Variants in PPIL2 observed in about 807,000 individuals in gnomAD.
PPIL2 encodes peptidylprolyl isomerase like 2.
Under a neutral mutation model 75.2 loss-of-function variants are expected in PPIL2, and 50 were observed. That is an observed-to-expected ratio of 0.66 (90% confidence interval 0.53 to 0.84). The LOEUF is 0.84. Among genes scored for constraint, PPIL2 ranks in the 40% least tolerant of loss-of-function variants. The probability of loss-of-function intolerance (pLI) is 0.00; values close to 1 mark genes in which losing one functional copy is unlikely to be tolerated. For synonymous variants in PPIL2, 245 were observed against 258.8 expected, an observed-to-expected ratio of 0.95 and a Z score of 0.51; for missense variants, 590 against 685.0, an observed-to-expected ratio of 0.86 and a Z score of 1.55.
chr22:21,680,068 G>A (rs1401165583), intron 6 of PPIL2, among the ~76,000 whole-genome samples: 1 of 139,208 alleles, frequency 7.2e-6, no homozygotes, highest in Non-Finnish European at 1.6e-5. Flanking sequence ...ACTGCAGCCT[G>A]GGCAACGGCA....
At chr22:21,671,271 C>T (rs1475645731) in intron 4 of PPIL2, among the ~76,000 whole-genome samples, 2 of 152,206 alleles carry the variant, frequency 1.3e-5, no homozygotes, top group Admixed American at 6.5e-5. Context: ...GGTAGACCAC[C>T]CCCTACCCCT....
chr22:21,688,627 G>C lies in PPIL2; in HGVS notation c.1022-105G>C, dbSNP rs935348863. On this transcript the variant is annotated intron_variant, in intron 14 of 19. Coordinates refer to ENST00000398831, the MANE Select transcript of PPIL2 (RefSeq NM_014337.4). ...CTCCCTATCAAGTGCCCCTGCCCCA[G>C]GCTGGGCTCAGCAAGGCCCTGATGC... The C allele has an allele frequency of 5.5e-6, 6 of 1,095,072 alleles. No homozygotes were observed. The African/African-American group carries it at 6.2e-5, about 11-fold the overall frequency. The allele number at this position is 1,095,072 out of a possible 1,614,324, so 67.8% of individuals were successfully genotyped here. A position where few individuals can be genotyped will look rare whatever the true frequency, so the allele number is the denominator to read the frequency against.
At position 21,697,501 on chromosome 22, in the gene PPIL2, G is replaced by A. The variant is rs925257114; in HGVS notation, c.*2011G>A. 11 of 160,284 alleles carry A rather than the reference G, an allele frequency of 6.9e-5. No homozygotes were observed. The highest frequency in any genetic ancestry group is 1.2e-4 in the Non-Finnish European group (9 of 72,728). 9.9% of individuals were successfully genotyped at this position (160,284 alleles called of 1,614,324 possible). Reference sequence around the variant, plus strand: ...ACAGAGAGCCTGGGCTCAGCCTTCTGCATCAGGACATGGCCTCGTCCACTG... The same window carrying A: ...ACAGAGAGCCTGGGCTCAGCCTTCTACATCAGGACATGGCCTCGTCCACTG... On this transcript the variant is annotated 3_prime_UTR_variant, in exon 20 of 20. Coordinates refer to ENST00000398831, the MANE Select transcript of PPIL2 (RefSeq NM_014337.4).
chr22:21,677,613 C>T (rs903878111), intron 6 of PPIL2, among the ~76,000 whole-genome samples: 4 of 152,130 alleles, frequency 2.6e-5, no homozygotes, highest in African/African-American at 9.7e-5. Flanking sequence ...AGGAGAATCA[C>T]GCAGGGAGGT....
At chr22:21,698,893 T>TGC (rs1569055750), downstream of PPIL2, 2 of 152,458 alleles carry the variant, frequency 1.3e-5, no homozygotes, top group Non-Finnish European at 2.9e-5. Context: ...TAAAGCAGCT[T>TGC]GCAGGGCCAT....
chr22:21,686,591 T>C (rs759199692), intron 11 of PPIL2, 33 bp downstream of exon 11: 10 of 1,600,728 alleles, frequency 6.2e-6, no homozygotes, highest in African/African-American at 2.7e-5. Flanking sequence ...CCACCTGCCA[T>C]GTGACCCAAA....
intron 6 of PPIL2, among the ~76,000 whole-genome samples, chr22:21,677,145 C>T (rs933806437): frequency 4.6e-5 from 7 of 151,550 alleles, no homozygotes; most frequent in African/African-American, 9.7e-5. Context: ...GGGCGGCTGC[C>T]GGGCGGAGGG....
chr22:21,677,939 C>T (rs1454472747), intron 6 of PPIL2, among the ~76,000 whole-genome samples: 1 of 152,168 alleles, frequency 6.6e-6, no homozygotes, highest in Non-Finnish European at 1.5e-5. Context: ...CGGGGGAGTG[C>T]AGGGCCAGGC....
chr22:21,693,086 C>T (rs1429716948), intron 15 of PPIL2, among the ~76,000 whole-genome samples: 4 of 151,908 alleles, frequency 2.6e-5, no homozygotes, highest in African/African-American at 7.3e-5. Flanking sequence ...CAGACTCTGT[C>T]GCCCAGGCTG....
intron 16 of PPIL2, 127 bp downstream of exon 16, chr22:21,693,999 G>T (rs1277893121): frequency 2.8e-6 from 3 of 1,058,148 alleles, no homozygotes; most frequent in Non-Finnish European, 4.3e-6. Flanking sequence ...TCACTGCTGG[G>T]GGTTGAGGCT....
intron 13 of PPIL2, 89 bp downstream of exon 13, chr22:21,687,821 T>C (rs1025305568): frequency 2.0e-5 from 27 of 1,344,070 alleles, no homozygotes; most frequent in Non-Finnish European, 2.7e-5. Flanking sequence ...CCCAGGGCCC[T>C]GGCCCATCCC....
intron 5 of PPIL2, among the ~76,000 whole-genome samples, chr22:21,672,867 G>C (rs375585986): frequency 6.6e-6 from 1 of 152,228 alleles, no homozygotes; most frequent in Admixed American, 6.5e-5. Context: ...TCGGGACTCC[G>C]GTGGGCTCCC....
chr22:21,679,085 G>A (rs1453805983), intron 6 of PPIL2, among the ~76,000 whole-genome samples: 1 of 151,790 alleles, frequency 6.6e-6, no homozygotes, highest in African/African-American at 2.4e-5. Context: ...TAGTAGAGAC[G>A]GGGTTTCTCC....
At chr22:21,670,128 A>T in intron 2 of PPIL2, 166 bp downstream of exon 2, 1 of 875,492 alleles carries the variant, frequency 1.1e-6, no homozygotes, top group South Asian at 1.8e-5. Context: ...AAGATAGAAG[A>T]ACCTGCTTCA....
intron 8 of PPIL2, 71 bp downstream of exon 8, chr22:21,682,597 C>CTCCTCAGTCTAGCTCTTACA (rs2067179227): frequency 2.0e-4 from 161 of 797,274 alleles, no homozygotes; most frequent in Middle Eastern, 6.8e-4. Flanking sequence ...CTACAGGGCC[C>CTCCTCAGTCTAGCTCTTACA]TACCCCCACG....
intron 6 of PPIL2, among the ~76,000 whole-genome samples, chr22:21,677,043 C>G (rs973711642): frequency 6.6e-5 from 10 of 151,100 alleles, no homozygotes; most frequent in African/African-American, 2.2e-4. Context: ...CCCCCCACCT[C>G]CCTCCCGGAC....
chr22:21,697,403 A>G lies in PPIL2; in HGVS notation c.*1913A>G. 4.8e-6 allele frequency: 1 copy of G among 207,102 alleles called. No homozygotes were observed. The highest frequency in any genetic ancestry group is 9.9e-6 in the Non-Finnish European group (1 of 101,142). The allele number at this position is 207,102 out of a possible 1,614,324, so 12.8% of individuals were successfully genotyped here. The stretch of plus-strand genomic sequence containing the variant: ...TCAAGTCCCCCATTGGTGGGGGCAG[A>G]GAAGTAGGACCAGGCCATCCTTGGC... On this transcript the variant is annotated 3_prime_UTR_variant, in exon 20 of 20. Transcript: ENST00000398831.
At position 21,672,334 on chromosome 22, in the gene PPIL2, A is replaced by G. The variant is rs1440863397; in HGVS notation, c.196A>G (p.Ile66Val). 1.9e-6 allele frequency: 3 copies of G among 1,612,100 alleles called. No individual in the cohort carries two copies. The highest frequency in any genetic ancestry group is 2.5e-6 in the Non-Finnish European group (3 of 1,178,224). The change falls in exon 5 of 20, where the codon ATT becomes GTT. Residue 66 changes from isoleucine (I) to valine (V), a missense_variant. By Grantham distance (29) the Ile-to-Val change is conservative. Transcript: ENST00000398831. ...TCTGTTCTGTCTTCCCTTCAGGAAC[A>G]TTGTTCCATGGCTTAAGAAGTACGG... ...PDGIVFDLLN[I>V]VPWLKKYGTN...
chr22:21,667,840 G>A lies in PPIL2; in HGVS notation c.32+1709G>A, dbSNP rs529712836. 2.1e-5 allele frequency among the ~76,000 whole-genome samples: 3 copies of A among 140,196 alleles called. No homozygotes were observed. The East Asian group carries it at 6.3e-4, about 30-fold the overall frequency. 92.0% of individuals were successfully genotyped at this position (140,196 alleles called of 152,430 possible). A position where few individuals can be genotyped will look rare whatever the true frequency, so the allele number is the denominator to read the frequency against. The stretch of plus-strand genomic sequence containing the variant: ...GCCCAGGCTGGAGTGCAATGGTGCC[G>A]TCTTGGCTCACTGCAACCTCTACTT... On this transcript the variant is annotated intron_variant, in intron 1 of 19. Coordinates refer to ENST00000398831, the MANE Select transcript of PPIL2 (RefSeq NM_014337.4).
Sources: gnomAD v4.1 joint callset for allele counts (sites outside exome capture counted in the v4.1 genomes callset) on GRCh38, gnomAD v4.1.1 for gene constraint, MANE v1.5 for transcripts, NCBI Gene and HGNC (gene_info 2026-07-23, HGNC 2026-07-21) for gene names.